USP24: variants seen among roughly 807,000 people sequenced by gnomAD.
USP24 encodes ubiquitin carboxyl-terminal hydrolase 24.
A neutral mutation model predicts 361.6 loss-of-function variants in USP24; 97 were observed. The ratio of observed to expected loss-of-function variants is 0.27; its 90% CI spans 0.23 to 0.32. The LOEUF (loss-of-function observed/expected upper bound fraction) is 0.32, where lower values mean the gene tolerates loss of function less well. USP24 is among the 10% of genes least tolerant of loss of function. The pLI is 1.00. For missense variants in USP24, 2,353 were observed against 3,165.6 expected, an observed-to-expected ratio of 0.74 and a Z score of 6.16; for synonymous variants, 1,098 against 1,124.6, an observed-to-expected ratio of 0.98 and a Z score of 0.47.
intron 38 of USP24, among the ~76,000 whole-genome samples, chr1:55,114,065 T>C (rs950565666): frequency 6.6e-6 from 1 of 152,172 alleles, no homozygotes; most frequent in Non-Finnish European, 1.5e-5. Context: ...AGTCTCAGGA[T>C]ACAAAATCAA....
chr1:55,102,877 T>C (rs1321605217), intron 42 of USP24, among the ~76,000 whole-genome samples: 1 of 152,202 alleles, frequency 6.6e-6, no homozygotes, highest in Non-Finnish European at 1.5e-5. Context: ...TATAAACCAT[T>C]TTGATCAATC....
At chr1:55,071,344 T>C in intron 67 of USP24, 1 of 990,674 alleles carries the variant, frequency 1.0e-6, no homozygotes, top group South Asian at 4.6e-5. Flanking sequence ...ATTAAAGCTG[T>C]TTTTTTTTCT....
intron 2 of USP24, among the ~76,000 whole-genome samples, chr1:55,177,072 C>T (rs1650052264): frequency 6.6e-6 from 1 of 150,858 alleles, no homozygotes; most frequent in African/African-American, 2.4e-5. Flanking sequence ...GCCTAAGCAA[C>T]CCTGTCTCAA....
At chr1:55,177,918 C>A in intron 2 of USP24, 49 bp downstream of exon 2, 1 of 1,511,632 alleles carries the variant, frequency 6.6e-7, no homozygotes, top group Non-Finnish European at 8.9e-7. Flanking sequence ...TAAACTCAGG[C>A]CTTCTATGAA....
chr1:55,081,569 C>G (rs563203178), intron 58 of USP24, 145 bp from the exon 59 acceptor site: 1 of 778,612 alleles, frequency 1.3e-6, no homozygotes, highest in Non-Finnish European at 2.1e-6. Context: ...ACAAAAAAAT[C>G]ACAGGTTTTA....
chr1:55,158,259 T>C (rs1051996261), intron 10 of USP24, among the ~76,000 whole-genome samples: 6 of 152,202 alleles, frequency 3.9e-5, no homozygotes, highest in African/African-American at 1.4e-4. Context: ...TCATGTAAAA[T>C]AACCCAGCCT....
At chr1:55,176,925 G>A (rs1328610069) in intron 2 of USP24, among the ~76,000 whole-genome samples, 3 of 151,632 alleles carry the variant, frequency 2.0e-5, no homozygotes, top group Non-Finnish European at 4.4e-5. Flanking sequence ...GTGAAACCCC[G>A]TCCCTACAAA....
At chr1:55,165,376 T>C (rs924299097) in intron 7 of USP24, among the ~76,000 whole-genome samples, 8 of 152,132 alleles carry the variant, frequency 5.3e-5, no homozygotes, top group Non-Finnish European at 1.2e-4. Context: ...TATGAGGTTA[T>C]GTTTTGAGAA....
intron 1 of USP24, among the ~76,000 whole-genome samples, chr1:55,190,652 A>T (rs768761634): frequency 3.3e-5 from 5 of 152,240 alleles, no homozygotes; most frequent in African/African-American, 1.2e-4. Context: ...AATTAAAAAC[A>T]TATTTATTGA....
chr1:55,164,015 A>G (rs747207441), intron 7 of USP24, among the ~76,000 whole-genome samples: 46 of 152,130 alleles, frequency 3.0e-4, no homozygotes, highest in Middle Eastern at 3.4e-3. Context: ...GTACATGAAG[A>G]CATATTTATA....
At chr1:55,181,636 G>A (rs189647943) in intron 1 of USP24, among the ~76,000 whole-genome samples, 1 of 152,118 alleles carries the variant, frequency 6.6e-6, no homozygotes, top group African/African-American at 2.4e-5. Flanking sequence ...CATTACTATG[G>A]AGTATCTATC....
At position 55,171,568 on chromosome 1, in the gene USP24, C is replaced by T. The variant is rs375664136; in HGVS notation, c.813G>A (p.Ser271=). Residue 271 remains serine (S), a synonymous_variant, in exon 5 of 68, where the codon TCG becomes TCA. Coordinates refer to ENST00000294383, the MANE Select transcript of USP24 (RefSeq NM_015306.3). ...AAATGATGTTTACCTTTTGGAAAGT[C>T]GATACAGGTGAAACAGCAAACATAT... ...EGNMFAVSPV[S]TFQKEPHGWV... 3.7e-6 allele frequency: 6 copies of T among 1,609,964 alleles called. No homozygotes were observed. The African/African-American group carries it at 4.0e-5, about 11-fold the overall frequency.
At chr1:55,072,275 A>C (rs769757293) in intron 66 of USP24, 42 bp downstream of exon 66, 24 of 1,559,004 alleles carry the variant, frequency 1.5e-5, no homozygotes, top group Non-Finnish European at 2.0e-5. Flanking sequence ...AAAATCCTCC[A>C]TAAGTGATTT....
chr1:55,207,720 A>C (rs1158536436), intron 1 of USP24, among the ~76,000 whole-genome samples: 2 of 152,218 alleles, frequency 1.3e-5, no homozygotes, highest in Non-Finnish European at 2.9e-5. Context: ...TCCTGGAACC[A>C]GCCCCCTATG....
At chr1:55,126,950 T>A (rs957740846) in intron 32 of USP24, among the ~76,000 whole-genome samples, 16 of 152,178 alleles carry the variant, frequency 1.1e-4, no homozygotes, top group Non-Finnish European at 1.6e-4. Flanking sequence ...ACCCCATCAT[T>A]TACCCATTTT....
At chr1:55,153,722 G>A in intron 16 of USP24, 148 bp downstream of exon 16, 1 of 841,428 alleles carries the variant, frequency 1.2e-6, no homozygotes, top group Non-Finnish European at 1.8e-6. Context: ...ATAAAGCATA[G>A]GTCATAAACA....
chr1:55,143,888 A>C (rs1465775062), intron 21 of USP24, among the ~76,000 whole-genome samples: 1 of 152,142 alleles, frequency 6.6e-6, no homozygotes, highest in Non-Finnish European at 1.5e-5. Context: ...CCAGAAACAG[A>C]GAGATGTGAG....
At chr1:55,140,390 C>T (rs1646854935) in intron 24 of USP24, among the ~76,000 whole-genome samples, 2 of 152,088 alleles carry the variant, frequency 1.3e-5, no homozygotes, top group Admixed American at 6.5e-5. Flanking sequence ...TCTTAATACA[C>T]ATTTTAAATG....
At position 55,121,417 on chromosome 1, in the gene USP24, T is replaced by A. The variant is rs1425624391; in HGVS notation, c.4347+19A>T. 6.2e-7 allele frequency: 1 copy of A among 1,608,400 alleles called. No homozygotes were observed. The highest frequency in any genetic ancestry group is 2.2e-5 in the East Asian group (1 of 44,840). ...AACAGGACCAAAGGAGTTTTGTAAG[T>A]AATGTGAAAAATCCTTACCTCAGCA... On this transcript the variant is annotated intron_variant, in intron 37 of 67. Transcript: ENST00000294383.
Sources: allele counts gnomAD v4.1 joint callset (sites outside exome capture counted in the v4.1 genomes callset), GRCh38; gene constraint gnomAD v4.1.1; transcripts MANE v1.5; gene names NCBI Gene and HGNC (gene_info 2026-07-23, HGNC 2026-07-21).